The following TASP1 variants were observed in gnomAD, a reference collection of about 807,000 sequenced individuals.
TASP1 encodes taspase 1, also known as threonine aspartase 1.
A neutral mutation model predicts 56.6 loss-of-function variants in TASP1; 16 were observed. That is an observed-to-expected ratio of 0.28 (90% CI 0.19 to 0.43). The LOEUF is 0.43. TASP1 is among the 20% of genes least tolerant of loss of function. The pLI is 1.00. For synonymous variants in TASP1, 179 were observed against 184.2 expected (o/e 0.97, Z 0.23); for missense variants, 393 against 511.6 (o/e 0.77, Z 2.24).
chr20:13,378,257 G>T, the TASP1 span, among the ~76,000 whole-genome samples: 1 of 152,156 alleles, frequency 6.6e-6, no homozygotes, highest in Non-Finnish European at 1.5e-5. Context: ...GTGTCCCAGA[G>T]ATTCTGTTAC....
the TASP1 span, among the ~76,000 whole-genome samples, chr20:13,310,403 A>AT: frequency 1.3e-5 from 2 of 152,120 alleles, no homozygotes; most frequent in African/African-American, 4.8e-5. Flanking sequence ...CTCTTATCTC[A>AT]CCCCACATAT....
At chr20:13,580,077 T>C (rs190750691) in intron 6 of TASP1, among the ~76,000 whole-genome samples, 51 of 152,282 alleles carry the variant, frequency 3.3e-4, no homozygotes, top group Admixed American at 2.0e-3. Context: ...AACAGTACGG[T>C]GGCTATGTTG....
rs1600770363 is a variant in TASP1 at position 13,431,730 on chromosome 20, T to C, written c.1096+3314A>G. 2.0e-5 allele frequency among the ~76,000 whole-genome samples: 3 copies of C among 152,310 alleles called. No individual in the cohort carries two copies. In the South Asian group the frequency reaches 6.2e-4, roughly 32 times the overall value. ...ACGGCAGTATTAAGATGTGGGACCC[T>C]GAAGAGGTGATTAGGTCTTAAGGAC... is the stretch of plus-strand genomic sequence containing the variant. On this transcript the variant is annotated intron_variant, in intron 12 of 13. Coordinates refer to ENST00000337743, the MANE Select transcript of TASP1 (RefSeq NM_017714.3).
chr20:13,363,568 C>T, the TASP1 span, among the ~76,000 whole-genome samples: 2 of 152,144 alleles, frequency 1.3e-5, no homozygotes, highest in Non-Finnish European at 2.9e-5. Flanking sequence ...TGAAAACCCC[C>T]AATGTTTTCT....
chr20:13,127,071 A>G, the TASP1 span, among the ~76,000 whole-genome samples: 1 of 152,232 alleles, frequency 6.6e-6, no homozygotes, highest in Non-Finnish European at 1.5e-5. Flanking sequence ...CTAAGACCAA[A>G]GTAGCCAATT....
intron 10 of TASP1, among the ~76,000 whole-genome samples, chr20:13,526,270 T>C (rs938219767): frequency 6.6e-6 from 1 of 152,174 alleles, no homozygotes; most frequent in Admixed American, 6.6e-5. Flanking sequence ...CATCTAGATA[T>C]GAAAGTAATG....
At chr20:13,123,804 C>G in the TASP1 span, among the ~76,000 whole-genome samples, 2 of 152,196 alleles carry the variant, frequency 1.3e-5, no homozygotes, top group Non-Finnish European at 2.9e-5. Context: ...ACACCTTGTT[C>G]CTGACACAGG....
At chr20:13,399,735 T>G (rs867188956) in intron 13 of TASP1, among the ~76,000 whole-genome samples, 4 of 152,232 alleles carry the variant, frequency 2.6e-5, no homozygotes, top group Admixed American at 1.3e-4. Context: ...CCTCTTAAGA[T>G]GTAAGTCAGT....
chr20:13,363,485 C>T, the TASP1 span, among the ~76,000 whole-genome samples: 1 of 152,042 alleles, frequency 6.6e-6, no homozygotes. Flanking sequence ...ATTAATGAAC[C>T]CATAAACATA....
chr20:13,406,913 G>T (rs374397028), intron 13 of TASP1, among the ~76,000 whole-genome samples: 5 of 152,134 alleles, frequency 3.3e-5, no homozygotes, highest in African/African-American at 1.2e-4. Context: ...TGATCTGCCC[G>T]CCTTGGCCTC....
chr20:13,561,837 T>A (rs2046353422), intron 7 of TASP1, among the ~76,000 whole-genome samples: 1 of 151,918 alleles, frequency 6.6e-6, no homozygotes, highest in Non-Finnish European at 1.5e-5. Flanking sequence ...AATTAGAGTG[T>A]TATAATTTTA....
the TASP1 span, among the ~76,000 whole-genome samples, chr20:13,198,464 C>T: frequency 6.6e-6 from 1 of 152,128 alleles, no homozygotes; most frequent in Non-Finnish European, 1.5e-5. Context: ...TAATTACCTG[C>T]AAAGTCCCCA....
chr20:13,227,696 G>A, the TASP1 span, among the ~76,000 whole-genome samples: 1 of 150,648 alleles, frequency 6.6e-6, no homozygotes, highest in East Asian at 2.0e-4. Flanking sequence ...TTTTAGTAGA[G>A]ACGGGGTTTC....
the TASP1 span, chr20:13,168,823 G>T: frequency 6.6e-6 from 1 of 152,140 alleles, no homozygotes; most frequent in African/African-American, 2.4e-5. Flanking sequence ...ACAATTTGAA[G>T]TCTGTTCTTT....
At chr20:13,335,580 G>GA in the TASP1 span, among the ~76,000 whole-genome samples, 1 of 149,886 alleles carries the variant, frequency 6.7e-6, no homozygotes, top group African/African-American at 2.5e-5. Context: ...AAATCAAAAA[G>GA]AAAAAAAGAG....
chr20:13,224,988 G>A, the TASP1 span, among the ~76,000 whole-genome samples: 36 of 151,264 alleles, frequency 2.4e-4, 1 homozygote, highest in Non-Finnish European at 5.9e-5. Flanking sequence ...TGGGACTACA[G>A]GCGCCTGCCA....
chr20:13,499,876 A>C (rs1264483062), intron 10 of TASP1, among the ~76,000 whole-genome samples: 1 of 152,174 alleles, frequency 6.6e-6, no homozygotes, highest in Non-Finnish European at 1.5e-5. Context: ...AATAACTCAA[A>C]AACAGAAAAT....
rs78786884 is a variant in TASP1 at position 13,633,830 on chromosome 20, CA to C, written c.-74-3679del. Among the ~76,000 whole-genome samples, 777 of 127,910 alleles carry C rather than the reference CA, an allele frequency of 6.1e-3. 3 individuals are homozygous for C. Among genetic ancestry groups the C allele is most frequent in the Non-Finnish European group, 9.0e-3 (531 of 59,024 alleles). The allele number at this position is 127,910 out of a possible 152,430, so 83.9% of individuals were successfully genotyped here. A position where few individuals can be genotyped will look rare whatever the true frequency, so the allele number is the denominator to read the frequency against. On this transcript the variant is annotated intron_variant, in intron 1 of 13. Coordinates refer to ENST00000337743, the MANE Select transcript of TASP1 (RefSeq NM_017714.3). The stretch of plus-strand genomic sequence containing the variant: ...ACATAGGCACGTAACAGGTTTAGAC[CA>C]AAAAAAAAAAAAACTTCTATCAATC...
chr20:13,352,209 G>T, the TASP1 span, among the ~76,000 whole-genome samples: 1 of 152,226 alleles, frequency 6.6e-6, no homozygotes, highest in East Asian at 1.9e-4. Context: ...CAGCACTTTG[G>T]GAGGCCAAGG....
Sources: allele counts gnomAD v4.1 joint callset (sites outside exome capture counted in the v4.1 genomes callset), GRCh38; gene constraint gnomAD v4.1.1; transcripts MANE v1.5; gene names NCBI Gene and HGNC (gene_info 2026-07-23, HGNC 2026-07-21).